The following SEC23IP variants were observed in gnomAD, a reference collection of about 807,000 sequenced individuals.
SEC23IP encodes SEC23-interacting protein.
A neutral mutation model predicts 113.4 loss-of-function variants in SEC23IP; 70 were observed. That is an observed-to-expected ratio of 0.62 (90% CI 0.51 to 0.75). SEC23IP has a LOEUF of 0.75. SEC23IP is among the 30% of genes least tolerant of loss of function. SEC23IP has a pLI of 0.00. For synonymous variants in SEC23IP, 398 were observed against 421.0 expected, an observed-to-expected ratio of 0.95 and a Z score of 0.67; for missense variants, 1,160 against 1,204.9, an observed-to-expected ratio of 0.96 and a Z score of 0.55.
chr10:119,898,880 C>T lies in SEC23IP; in HGVS notation c.617C>T (p.Thr206Ile), dbSNP rs1331536804. Residue 206 changes from threonine to isoleucine, a missense_variant, in exon 2 of 19, where the codon ACA (threonine) becomes ATA (isoleucine). By Grantham distance (89) the Thr-to-Ile change is moderately conservative. Transcript: ENST00000369075. ...CCACCCCAGCTGCAGCAGTGCCAAACACCAGGCCCTCCTGCTCATCCTCCA... is the reference window on the plus strand; with the variant it reads ...CCACCCCAGCTGCAGCAGTGCCAAATACCAGGCCCTCCTGCTCATCCTCCA... ...IAPPQLQQCQ[T>I]PGPPAHPPPS... 1.9e-6 allele frequency: 3 copies of T among 1,608,146 alleles called. No individual in the cohort carries two copies. Among genetic ancestry groups the T allele is most frequent in the Non-Finnish European group, 1.7e-6 (2 of 1,179,934 alleles).
intron 6 of SEC23IP, among the ~76,000 whole-genome samples, chr10:119,912,385 G>A (rs1854892880): frequency 6.6e-6 from 1 of 151,838 alleles, no homozygotes; most frequent in African/African-American, 2.4e-5. Context: ...TGCCTGCCTC[G>A]GCCTCCCAGA....
intron 3 of SEC23IP, among the ~76,000 whole-genome samples, chr10:119,903,638 T>G (rs1207478417): frequency 6.6e-6 from 1 of 152,250 alleles, no homozygotes; most frequent in Non-Finnish European, 1.5e-5. Flanking sequence ...CAGCACAGAT[T>G]AATCTTAAAC....
At chr10:119,906,403 C>T (rs531151876) in intron 4 of SEC23IP, among the ~76,000 whole-genome samples, 1 of 147,316 alleles carries the variant, frequency 6.8e-6, no homozygotes, top group East Asian at 2.0e-4. Context: ...TCAAAATTCA[C>T]ATCAGGGTTT....
rs1384929357 is a variant in SEC23IP, at chr10:119,915,825, A to G, written c.1480A>G (p.Arg494Gly). ...ATCTTTAGATGACGGGAAAGTAAGCAGAGTGGAGTTCCTTCCAGTTCATTG... is the reference window on the plus strand; with the variant it reads ...ATCTTTAGATGACGGGAAAGTAAGCGGAGTGGAGTTCCTTCCAGTTCATTG... ...KKSLDDGKVSRVEFLPVHWHS... is the reference protein window; with the variant it reads ...KKSLDDGKVSGVEFLPVHWHS... Residue 494 changes from arginine (R) to glycine (G), a missense_variant, in exon 8 of 19, where the codon AGA becomes GGA. Coordinates refer to ENST00000369075, the MANE Select transcript of SEC23IP (RefSeq NM_007190.4). The G allele has an allele frequency of 6.2e-7, 1 of 1,604,976 alleles. No homozygotes were observed. The highest frequency in any genetic ancestry group is 8.5e-7 in the Non-Finnish European group (1 of 1,175,020).
In SEC23IP at chr10:119,918,492, T is replaced by C. The variant is rs1202097699; in HGVS notation, c.1853T>C (p.Leu618Pro). The change falls in exon 10 of 19, where the codon CTA (leucine) becomes CCA (proline). Residue 618 changes from leucine to proline, a missense_variant. Transcript: ENST00000369075. The stretch of plus-strand genomic sequence containing the variant: ...GTTGCTAATGGAGTTGTGAAGCAGC[T>C]ACATTTTCAGGAAAAGCAGGTACGT... The part of the protein sequence containing the change: ...LAVANGVVKQ[L>P]HFQEKQMPEE... 2.5e-6 allele frequency: 4 copies of C among 1,610,968 alleles called. No individual in the cohort carries two copies. The highest frequency in any genetic ancestry group is 3.4e-6 in the Non-Finnish European group (4 of 1,177,098).
chr10:119,910,616 A>G (rs1048374583), intron 5 of SEC23IP, among the ~76,000 whole-genome samples: 4 of 152,220 alleles, frequency 2.6e-5, no homozygotes, highest in Non-Finnish European at 5.9e-5. Context: ...AGGATATTAA[A>G]TGAAAAATAA....
At chr10:119,900,783 T>A (rs1366033414) in intron 2 of SEC23IP, among the ~76,000 whole-genome samples, 1 of 152,048 alleles carries the variant, frequency 6.6e-6, no homozygotes, top group Non-Finnish European at 1.5e-5. Context: ...AATTAAAAAA[T>A]TTTAAAATAA....
chr10:119,935,115 C>T (rs1267151244), intron 18 of SEC23IP, among the ~76,000 whole-genome samples: 1 of 152,190 alleles, frequency 6.6e-6, no homozygotes, highest in Non-Finnish European at 1.5e-5. Flanking sequence ...TTTGTGTATC[C>T]TTCCAGATAT....
intron 4 of SEC23IP, among the ~76,000 whole-genome samples, chr10:119,906,406 CA>C (rs902670600): frequency 6.8e-6 from 1 of 146,618 alleles, no homozygotes; most frequent in African/African-American, 2.5e-5. Flanking sequence ...AAATTCACAT[CA>C]GGGTTTTTTT....
chr10:119,921,083 A>C (rs2134502809), intron 12 of SEC23IP, 99 bp downstream of exon 12: 1 of 806,544 alleles, frequency 1.2e-6, no homozygotes, highest in African/African-American at 1.7e-5. Context: ...TAGGTAAGCT[A>C]GTTTGCTCCC....
At position 119,918,456 on chromosome 10, in the gene SEC23IP, G is replaced by T. The variant is rs1396855964; in HGVS notation, c.1817G>T (p.Gly606Val). The T allele has an allele frequency of 6.2e-7, 1 of 1,613,690 alleles. No homozygotes were observed. Among genetic ancestry groups the T allele is most frequent in the African/African-American group, 1.3e-5 (1 of 74,914 alleles). Residue 606 changes from glycine to valine, a missense_variant, in exon 10 of 19, where the codon GGA (glycine) becomes GTA (valine). Physicochemically the swap from Gly to Val is moderately radical, Grantham distance 109 (BLOSUM62 -3). Transcript: ENST00000369075. ...GATTTGAATTTATCAAAGTGCCCTG[G>T]ACCTCTTGCTGTTGCTAATGGAGTT... ...QKDLNLSKCP[G>V]PLAVANGVVK...
At chr10:119,931,170 G>T (rs1855586687) in intron 15 of SEC23IP, among the ~76,000 whole-genome samples, 1 of 150,656 alleles carries the variant, frequency 6.6e-6, no homozygotes. Flanking sequence ...TTAAATTGTG[G>T]TTTTATCAGA....
At chr10:119,896,879 TATATC>T (rs1393966127) in intron 1 of SEC23IP, among the ~76,000 whole-genome samples, 4 of 151,830 alleles carry the variant, frequency 2.6e-5, no homozygotes, top group South Asian at 2.1e-4. Context: ...GAGCTGGAAA[TATATC>T]AGAGAAGTGG....
Position 119,918,003 on chromosome 10 carries a change from C to T in SEC23IP, c.1712C>T (p.Pro571Leu). The change falls in exon 9 of 19, where the codon CCA (proline) becomes CTA (leucine). Residue 571 changes from proline to leucine, a missense_variant. Transcript: ENST00000369075. ...HLHALFMSRN[P>L]DFKGGVSVAG... Reference sequence around the variant, plus strand: ...CATGCACTCTTTATGAGTCGGAACCCAGACTTCAAAGGAGGTGTCTCTGTT... The same window carrying T: ...CATGCACTCTTTATGAGTCGGAACCTAGACTTCAAAGGAGGTGTCTCTGTT... 1 of 1,614,090 alleles carries T rather than the reference C, an allele frequency of 6.2e-7. No individual in the cohort carries two copies. Among genetic ancestry groups the T allele is most frequent in the African/African-American group, 1.3e-5 (1 of 75,040 alleles).
At chr10:119,919,774 A>G (rs1321229641) in intron 11 of SEC23IP, among the ~76,000 whole-genome samples, 178 bp downstream of exon 11, 1 of 152,240 alleles carries the variant, frequency 6.6e-6, no homozygotes, top group African/African-American at 2.4e-5. Flanking sequence ...TTTTCTGAGT[A>G]TGATGCAAAA....
intron 18 of SEC23IP, among the ~76,000 whole-genome samples, chr10:119,938,143 AAAAT>A (rs1371895170): frequency 1.3e-5 from 2 of 148,964 alleles, no homozygotes; most frequent in East Asian, 4.2e-4. Flanking sequence ...AAAAAAAAAA[AAAAT>A]TTAAGTCAGC....
Position 119,892,833 on chromosome 10 carries a change from A to G in SEC23IP, c.51A>G (p.Ser17=). The G allele has an allele frequency of 6.2e-7, 1 of 1,613,666 alleles. No individual in the cohort carries two copies. Among genetic ancestry groups the G allele is most frequent in the Non-Finnish European group, 8.5e-7 (1 of 1,179,900 alleles). The part of the protein sequence containing the change: ...NGGSGGASTS[S]SGTNLLFSSS... ...GCAGCGGCGGCGCCTCCACTTCCTC[A>G]TCGGGCACTAACTTACTTTTCTCCT... Residue 17 remains serine, a synonymous_variant, in exon 1 of 19, where the codon TCA becomes TCG. Transcript: ENST00000369075.
At chr10:119,904,062 A>G (rs1206854715) in intron 3 of SEC23IP, 22 bp from the exon 4 acceptor site, 9 of 1,609,930 alleles carry the variant, frequency 5.6e-6, no homozygotes, top group Non-Finnish European at 7.6e-6. Context: ...CAGTTAGGAA[A>G]AGTGTTAATT....
Position 119,904,090 on chromosome 10 carries a change from C to G in SEC23IP, c.914C>G (p.Pro305Arg). ...TGTTAATTTTGTTCTCTAGTTCAGC[C>G]AGATCCGGAGAGCGTGGTTCTTGGC... Reference protein sequence around the residue: ...NLEEIYNSVQPDPESVVLGTD... With the variant: ...NLEEIYNSVQRDPESVVLGTD... Residue 305 changes from proline (P) to arginine (R), a missense_variant, in exon 4 of 19, where the codon CCA becomes CGA. Coordinates refer to ENST00000369075, the MANE Select transcript of SEC23IP (RefSeq NM_007190.4). 6.2e-7 allele frequency: 1 copy of G among 1,613,786 alleles called. No individual in the cohort carries two copies. The highest frequency in any genetic ancestry group is 8.5e-7 in the Non-Finnish European group (1 of 1,179,776).
Sources: gnomAD v4.1 joint callset for allele counts (sites outside exome capture counted in the v4.1 genomes callset) on GRCh38, gnomAD v4.1.1 for gene constraint, MANE v1.5 for transcripts, NCBI Gene and HGNC (gene_info 2026-07-23, HGNC 2026-07-21) for gene names.